Variants in CSMD1 observed in about 807,000 individuals in gnomAD.
CSMD1 encodes the protein CUB and Sushi multiple domains 1.
A neutral mutation model predicts 417.5 loss-of-function variants in CSMD1; 213 were observed. The ratio of observed to expected loss-of-function variants is 0.51; its 90% confidence interval spans 0.46 to 0.57. CSMD1 has a LOEUF of 0.57. Among genes scored for constraint, CSMD1 ranks in the 20% least tolerant of loss-of-function variants. The pLI is 0.00. For missense variants in CSMD1, 6,923 were observed against 4,529.7 expected, an observed-to-expected ratio of 1.53 and a Z score of -15.17; for synonymous variants, 2,862 against 1,736.8, an observed-to-expected ratio of 1.65 and a Z score of -16.11.
chr8:4,945,073 G>A (rs1475940262), intron 1 of CSMD1, among the ~76,000 whole-genome samples: 1 of 152,090 alleles, frequency 6.6e-6, no homozygotes, highest in Non-Finnish European at 1.5e-5. Flanking sequence ...TCCTAAAAAG[G>A]AAGAAAATCC....
intron 3 of CSMD1, among the ~76,000 whole-genome samples, chr8:4,286,720 C>T (rs1034861503): frequency 2.0e-5 from 3 of 152,304 alleles, no homozygotes; most frequent in African/African-American, 4.8e-5. Flanking sequence ...ATGCAGCTCA[C>T]ACGGTAGACT....
intron 3 of CSMD1, among the ~76,000 whole-genome samples, chr8:4,343,470 T>C (rs1332719559): frequency 6.6e-6 from 1 of 152,152 alleles, no homozygotes; most frequent in East Asian, 1.9e-4. Context: ...TTACTTAGCT[T>C]GATCATGGTG....
At chr8:3,978,482 G>A (rs1474952169) in intron 5 of CSMD1, among the ~76,000 whole-genome samples, 4 of 152,168 alleles carry the variant, frequency 2.6e-5, no homozygotes, top group South Asian at 2.1e-4. Context: ...CCATGAATAT[G>A]GGGACTTTAC....
chr8:4,318,054 GT>G (rs889858734), intron 3 of CSMD1, among the ~76,000 whole-genome samples: 2 of 152,070 alleles, frequency 1.3e-5, no homozygotes, highest in Non-Finnish European at 2.9e-5. Flanking sequence ...TTGTGCGTTC[GT>G]TTTTTCTCAC....
intron 3 of CSMD1, among the ~76,000 whole-genome samples, chr8:4,325,995 A>C (rs1012436198): frequency 6.6e-6 from 1 of 152,078 alleles, no homozygotes; most frequent in African/African-American, 2.4e-5. Context: ...TGGGGTACGA[A>C]CTCAGTAAAG....
At chr8:4,030,527 T>C (rs999550538) in intron 4 of CSMD1, among the ~76,000 whole-genome samples, 1 of 152,190 alleles carries the variant, frequency 6.6e-6, no homozygotes, top group African/African-American at 2.4e-5. Flanking sequence ...GTCTCTAGGC[T>C]GTACACAGCA....
chr8:4,211,181 G>C (rs1039280277), intron 3 of CSMD1, among the ~76,000 whole-genome samples: 1 of 149,902 alleles, frequency 6.7e-6, no homozygotes, highest in African/African-American at 2.4e-5. Context: ...CCTTGTACAT[G>C]TATTTCAGGG....
chr8:4,016,699 C>G (rs762040996), intron 4 of CSMD1, among the ~76,000 whole-genome samples: 1 of 152,200 alleles, frequency 6.6e-6, no homozygotes, highest in African/African-American at 2.4e-5. Context: ...TAGATTTAGC[C>G]TTTAAGTAAC....
intron 3 of CSMD1, among the ~76,000 whole-genome samples, chr8:4,106,153 G>T (rs1235529916): frequency 6.6e-6 from 1 of 152,160 alleles, no homozygotes; most frequent in Non-Finnish European, 1.5e-5. Context: ...TGTTTCTCTG[G>T]TGAGTACAGA....
At chr8:4,720,137 C>T (rs1039323877) in intron 1 of CSMD1, among the ~76,000 whole-genome samples, 13 of 150,024 alleles carry the variant, frequency 8.7e-5, no homozygotes, top group South Asian at 4.2e-4. Flanking sequence ...TGTATTTTTG[C>T]TTCACAAAGC....
At chr8:3,273,855 T>C (rs1312459981) in intron 26 of CSMD1, among the ~76,000 whole-genome samples, 5 of 152,204 alleles carry the variant, frequency 3.3e-5, no homozygotes, top group Non-Finnish European at 5.9e-5. Flanking sequence ...TCTACCAATT[T>C]TGTGGATCCT....
At chr8:4,353,762 TCA>T (rs1213928326) in intron 3 of CSMD1, among the ~76,000 whole-genome samples, 4 of 152,136 alleles carry the variant, frequency 2.6e-5, no homozygotes, top group African/African-American at 9.7e-5. Flanking sequence ...TTTTTGCCCT[TCA>T]CACATTTGAT....
At chr8:3,075,826 G>A (rs982153424) in intron 49 of CSMD1, among the ~76,000 whole-genome samples, 4 of 151,436 alleles carry the variant, frequency 2.6e-5, no homozygotes, top group African/African-American at 9.7e-5. Flanking sequence ...TGGATCACAA[G>A]GTCAGGAGAT....
intron 26 of CSMD1, among the ~76,000 whole-genome samples, chr8:3,241,111 A>G (rs781040396): frequency 2.0e-5 from 3 of 151,328 alleles, no homozygotes; most frequent in Admixed American, 6.6e-5. Context: ...TGGATTGGGA[A>G]GAAGGGCGGC....
At chr8:4,442,947 A>T (rs376427115) in intron 2 of CSMD1, among the ~76,000 whole-genome samples, 1 of 152,204 alleles carries the variant, frequency 6.6e-6, no homozygotes. Flanking sequence ...AACGTAATGT[A>T]TCTACAGCAC....
At chr8:4,392,323 G>A (rs1177125873) in intron 3 of CSMD1, among the ~76,000 whole-genome samples, 2 of 152,162 alleles carry the variant, frequency 1.3e-5, no homozygotes, top group Non-Finnish European at 2.9e-5. Context: ...TTACCATGGG[G>A]ACCACGGATA....
intron 3 of CSMD1, among the ~76,000 whole-genome samples, chr8:4,147,360 G>C (rs937676128): frequency 3.3e-5 from 5 of 151,926 alleles, no homozygotes; most frequent in African/African-American, 2.4e-5. Context: ...TCTTCCCTCA[G>C]TCCTCAGTGG....
intron 23 of CSMD1, among the ~76,000 whole-genome samples, chr8:3,309,685 TTGAA>T (rs1195832445): frequency 6.6e-6 from 1 of 152,150 alleles, no homozygotes; most frequent in African/African-American, 2.4e-5. Context: ...CCACCAAACT[TTGAA>T]TGCTTTCTTT....
chr8:3,279,750 T>C (rs1462898929), intron 26 of CSMD1, among the ~76,000 whole-genome samples: 4 of 152,022 alleles, frequency 2.6e-5, no homozygotes, highest in African/African-American at 4.8e-5. Context: ...AAGCACCTTC[T>C]TTAGAGGGTG....
Sources: allele counts gnomAD v4.1 joint callset (sites outside exome capture counted in the v4.1 genomes callset), GRCh38; gene constraint gnomAD v4.1.1; transcripts MANE v1.5; gene names NCBI Gene and HGNC (gene_info 2026-07-23, HGNC 2026-07-21).